The following SPG11 variants were observed in gnomAD, a reference collection of about 807,000 sequenced individuals.
SPG11 encodes the protein spatacsin.
A neutral mutation model predicts 274.0 loss-of-function variants in SPG11; 222 were observed. That is an observed-to-expected ratio of 0.81 (90% confidence interval 0.73 to 0.91). The LOEUF (loss-of-function observed/expected upper bound fraction) is 0.91. Among genes scored for constraint, SPG11 ranks in the 40% least tolerant of loss-of-function variants. The probability of loss-of-function intolerance (pLI) is 0.00; values close to 1 mark genes in which losing one functional copy is unlikely to be tolerated. For missense variants in SPG11, 3,114 were observed against 2,872.7 expected, an observed-to-expected ratio of 1.08 and a Z score of -1.92; for synonymous variants, 1,144 against 1,039.7, an observed-to-expected ratio of 1.10 and a Z score of -1.93.
rs2082714895 is a variant in SPG11, at chr15:44,584,357, GC to G, written c.5322del (p.Leu1775CysfsTer63). 6.2e-7 allele frequency: 1 copy of G among 1,611,208 alleles called. No homozygotes were observed. The highest frequency in any genetic ancestry group is 1.3e-5 in the African/African-American group (1 of 74,778). On this transcript the variant is annotated frameshift_variant, in exon 30 of 40. Coordinates refer to ENST00000261866, the MANE Select transcript of SPG11 (RefSeq NM_025137.4). LOFTEE classifies it high-confidence loss of function. ...AGCCAGTGCCCTGCCAAGGTGAGCA[GC>G]AGATGGCGCTCCTCCATGCTGCTCC... ...TGWSSMEERH[L>X]LLTLAGHWLA...
chr15:44,656,226 A>G (rs1032759736), intron 4 of SPG11, among the ~76,000 whole-genome samples: 2 of 152,248 alleles, frequency 1.3e-5, no homozygotes, highest in African/African-American at 4.8e-5. Context: ...TCCAGGCAAC[A>G]TTAAGACCAA....
At chr15:44,663,339 C>G in intron 1 of SPG11, 52 bp downstream of exon 1, 2 of 1,577,166 alleles carry the variant, frequency 1.3e-6, no homozygotes, top group East Asian at 2.4e-5. Context: ...CTCAGTCAGC[C>G]GAGCCTAGGC....
chr15:44,637,883 T>A (rs184443558), intron 7 of SPG11, among the ~76,000 whole-genome samples: 36 of 152,350 alleles, frequency 2.4e-4, no homozygotes, highest in Admixed American at 1.8e-3. Context: ...TAGGAGACGA[T>A]AGCTCCATGC....
At chr15:44,575,971 T>G (rs1434994238) in intron 30 of SPG11, among the ~76,000 whole-genome samples, 1 of 151,632 alleles carries the variant, frequency 6.6e-6, no homozygotes, top group African/African-American at 2.4e-5. Context: ...GGAGAAACCC[T>G]GTTTCTACTA....
Position 44,584,697 on chromosome 15 carries a change from A to ACTGAG in SPG11, c.5122-140_5122-139insCTCAG, listed in dbSNP as rs2082722297. On this transcript the variant is annotated intron_variant, in intron 29 of 39. Transcript: ENST00000261866. ...AGGCTGGAGAGCAGTGGTGGCGATCACAGCACACTGCAGCCTCAACCTGCT... is the reference window on the plus strand; with the variant it reads ...AGGCTGGAGAGCAGTGGTGGCGATCACTGAGCAGCACACTGCAGCCTCAACCTGCT... The ACTGAG allele has an allele frequency of 1.1e-5, 11 of 1,020,264 alleles. No individual in the cohort carries two copies. In the African/African-American group the frequency reaches 1.4e-4, roughly 13 times the overall value. 63.2% of individuals were successfully genotyped at this position (1,020,264 alleles called of 1,614,324 possible).
intron 15 of SPG11, among the ~76,000 whole-genome samples, chr15:44,616,218 T>G (rs1005710422): frequency 1.3e-5 from 2 of 150,904 alleles, no homozygotes; most frequent in African/African-American, 4.9e-5. Context: ...TTTTTTTTTT[T>G]TTTTTTTGGC....
chr15:44,598,553 CCAAA>C (rs371295852), intron 22 of SPG11, 74 bp downstream of exon 22: 7 of 1,437,682 alleles, frequency 4.9e-6, no homozygotes, highest in African/African-American at 1.4e-5. Context: ...CATTTTCTCC[CCAAA>C]CACTCACAAT....
intron 7 of SPG11, among the ~76,000 whole-genome samples, chr15:44,646,479 T>G (rs903142128): frequency 6.6e-6 from 1 of 152,126 alleles, no homozygotes. Context: ...GAACTCACTA[T>G]CAGGAGAACA....
chr15:44,650,652 AAG>A (rs1491130464), intron 6 of SPG11, among the ~76,000 whole-genome samples: 1 of 152,056 alleles, frequency 6.6e-6, no homozygotes, highest in Non-Finnish European at 1.5e-5. Context: ...AATTAAAAAA[AAG>A]AGAAATAAAA....
chr15:44,572,876 GC>G, intron 32 of SPG11, 56 bp from the exon 33 acceptor site: 1 of 1,597,778 alleles, frequency 6.3e-7, no homozygotes, highest in Non-Finnish European at 8.6e-7. Flanking sequence ...GGCCCACTCT[GC>G]CCAGGCTTAG....
At chr15:44,655,895 C>G (rs958179850) in intron 4 of SPG11, among the ~76,000 whole-genome samples, 3 of 152,132 alleles carry the variant, frequency 2.0e-5, no homozygotes, top group Non-Finnish European at 4.4e-5. Flanking sequence ...CAACAATATA[C>G]TGTAATAAAA....
rs148818533 is a variant in SPG11 at position 44,583,436 on chromosome 15, C to T, written c.5866+378G>A. On this transcript the variant is annotated intron_variant, in intron 30 of 39. Coordinates refer to ENST00000261866, the MANE Select transcript of SPG11 (RefSeq NM_025137.4). The stretch of plus-strand genomic sequence containing the variant: ...CCACACCATTGCACTCCAGCCTGGG[C>T]GACAAGAATGAAACACCATCTCAAA... Among the ~76,000 whole-genome samples, 970 of 151,342 alleles carry T rather than the reference C, an allele frequency of 6.4e-3. 15 individuals are homozygous for T. Among genetic ancestry groups the T allele is most frequent in the African/African-American group, 0.022 (915 of 41,198 alleles).
intron 24 of SPG11, 120 bp from the exon 25 acceptor site, chr15:44,596,475 ACTATTAT>A: frequency 8.8e-7 from 1 of 1,142,518 alleles, no homozygotes. Context: ...AGTCAGAGTG[ACTATTAT>A]GTAATTTTAC....
chr15:44,604,931 CAAAAAAAAAAAA>C (rs908048525), intron 20 of SPG11, among the ~76,000 whole-genome samples: 21 of 22,488 alleles, frequency 9.3e-4, no homozygotes, highest in African/African-American at 3.9e-3. Flanking sequence ...ACTCCATCTC[CAAAAAAAAAAAA>C]AAAAAAAAAA....
intron 11 of SPG11, among the ~76,000 whole-genome samples, chr15:44,624,627 A>G (rs958727860): frequency 3.9e-5 from 6 of 152,246 alleles, no homozygotes; most frequent in Non-Finnish European, 8.8e-5. Context: ...AAAGTTAATA[A>G]TAATACATTG....
At chr15:44,630,114 T>A (rs185220791) in intron 8 of SPG11, among the ~76,000 whole-genome samples, 7 of 152,334 alleles carry the variant, frequency 4.6e-5, no homozygotes, top group Non-Finnish European at 7.3e-5. Context: ...GCCTGTCTGA[T>A]TGCAAAGCTA....
At chr15:44,642,022 T>C (rs1390593915) in intron 7 of SPG11, among the ~76,000 whole-genome samples, 1 of 151,678 alleles carries the variant, frequency 6.6e-6, no homozygotes, top group African/African-American at 2.4e-5. Flanking sequence ...GAACTATAGT[T>C]ATATACATTA....
chr15:44,563,241 A>G lies in SPG11; in HGVS notation c.7212T>C (p.Tyr2404=), dbSNP rs1288255586. 6 of 1,613,962 alleles carry G rather than the reference A, an allele frequency of 3.7e-6. No homozygotes were observed. In the African/African-American group the frequency reaches 6.7e-5, roughly 18 times the overall value. ...VMENLKKLLT[Y]CEDVYLYYKL... ...TGTAATACAGGTAAACATCTTCACA[A>G]TATGTGAGTAATTTCTTCAGGTTTT... Residue 2404 remains tyrosine, a synonymous_variant, in exon 40 of 40, where the codon TAT becomes TAC. Coordinates refer to ENST00000261866, the MANE Select transcript of SPG11 (RefSeq NM_025137.4).
Position 44,574,939 on chromosome 15 carries a change from T to TAA in SPG11, c.5968_5969insTT (p.Tyr1990PhefsTer69). 6.2e-7 allele frequency: 1 copy of TAA among 1,614,084 alleles called. No individual in the cohort carries two copies. Among genetic ancestry groups the TAA allele is most frequent in the South Asian group, 1.1e-5 (1 of 91,078 alleles). The stretch of plus-strand genomic sequence containing the variant: ...ATACAGACAGAGGACCTGTCGACAG[T>TAA]AGTTCTTCCCATGGAGGCATTTGCT... On this transcript the variant is annotated frameshift_variant, in exon 31 of 40. Coordinates refer to ENST00000261866, the MANE Select transcript of SPG11 (RefSeq NM_025137.4). LOFTEE classifies it high-confidence loss of function.
Sources: allele counts gnomAD v4.1 joint callset (sites outside exome capture counted in the v4.1 genomes callset), GRCh38; gene constraint gnomAD v4.1.1; transcripts MANE v1.5; gene names NCBI Gene and HGNC (gene_info 2026-07-23, HGNC 2026-07-21).